Variants in IGF2BP2 observed in about 807,000 individuals in gnomAD.
IGF2BP2 encodes the protein insulin-like growth factor 2 mRNA-binding protein 2.
Under a neutral mutation model 75.8 loss-of-function variants are expected in IGF2BP2, and 17 were observed. That is an observed-to-expected ratio of 0.22 (90% CI 0.15 to 0.34). IGF2BP2 has a LOEUF of 0.34. Ranked by LOEUF, IGF2BP2 falls within the 10% of genes least tolerant of loss-of-function variation. The pLI, the probability that IGF2BP2 is intolerant of heterozygous loss-of-function variation, is 1.00. For missense variants in IGF2BP2, 516 were observed against 772.4 expected (o/e 0.67, Z 3.93); for synonymous variants, 288 against 295.6 (o/e 0.97, Z 0.26).
At chr3:185,765,708 C>T (rs1338885898) in intron 2 of IGF2BP2, among the ~76,000 whole-genome samples, 1 of 152,212 alleles carries the variant, frequency 6.6e-6, no homozygotes, top group Non-Finnish European at 1.5e-5. Flanking sequence ...CAGCTTCACC[C>T]CACATCTTCA....
intron 10 of IGF2BP2, among the ~76,000 whole-genome samples, chr3:185,668,494 G>T (rs972132234): frequency 5.4e-4 from 66 of 121,592 alleles, no homozygotes; most frequent in African/African-American, 2.2e-3. Flanking sequence ...GTTCGAGAGA[G>T]AGAGAGAGAG....
chr3:185,710,316 A>G (rs1003450337), intron 2 of IGF2BP2, among the ~76,000 whole-genome samples: 1 of 152,166 alleles, frequency 6.6e-6, no homozygotes, highest in Non-Finnish European at 1.5e-5. Context: ...TATTGTGTGC[A>G]TAACAGCATG....
chr3:185,817,599 AC>A (rs1450188814), intron 2 of IGF2BP2, among the ~76,000 whole-genome samples: 1 of 152,192 alleles, frequency 6.6e-6, no homozygotes, highest in East Asian at 1.9e-4. Flanking sequence ...CTAAAATAGA[AC>A]CCATAGAGTC....
chr3:185,643,489 C>T lies in IGF2BP2; in HGVS notation c.*2042G>A, dbSNP rs1296227059. 6.6e-6 allele frequency among the ~76,000 whole-genome samples: 1 copy of T among 152,152 alleles called. No individual in the cohort carries two copies. The highest frequency in any genetic ancestry group is 1.5e-5 in the Non-Finnish European group (1 of 68,034). ...CCAGGATTTCTGATTCAAGGTGGACCCCAAGAATCTACATTTCTAACAAGT... is the reference window on the plus strand; with the variant it reads ...CCAGGATTTCTGATTCAAGGTGGACTCCAAGAATCTACATTTCTAACAAGT... On this transcript the variant is annotated 3_prime_UTR_variant, in exon 16 of 16. Coordinates refer to ENST00000382199, the MANE Select transcript of IGF2BP2 (RefSeq NM_006548.6).
At chr3:185,821,229 G>T in intron 2 of IGF2BP2, 1 of 966,730 alleles carries the variant, frequency 1.0e-6, no homozygotes. Flanking sequence ...CTCTAGAGCA[G>T]CAGCTTATGC....
At chr3:185,651,946 C>T in intron 13 of IGF2BP2, 148 bp downstream of exon 13, 3 of 544,532 alleles carry the variant, frequency 5.5e-6, no homozygotes, top group Non-Finnish European at 9.6e-6. Context: ...GAAGAACAGC[C>T]AGGGATGACA....
chr3:185,690,459 C>T (rs1294609989), intron 5 of IGF2BP2, among the ~76,000 whole-genome samples: 1 of 152,006 alleles, frequency 6.6e-6, no homozygotes, highest in Non-Finnish European at 1.5e-5. Flanking sequence ...TCACTAAGTA[C>T]CTTTCAGTAT....
chr3:185,729,657 G>C (rs573208316), intron 2 of IGF2BP2: 1 of 152,094 alleles, frequency 6.6e-6, no homozygotes, highest in African/African-American at 2.4e-5. Context: ...GAATATTAAC[G>C]TTCATATGCT....
intron 7 of IGF2BP2, 140 bp from the exon 8 acceptor site, chr3:185,676,053 G>T: frequency 2.0e-6 from 2 of 1,018,074 alleles, no homozygotes; most frequent in South Asian, 3.4e-5. Context: ...GAGAGGTCAG[G>T]TCCCTCACCG....
intron 2 of IGF2BP2, chr3:185,712,562 T>C (rs930134042): frequency 6.6e-6 from 1 of 152,126 alleles, no homozygotes; most frequent in African/African-American, 2.4e-5. Context: ...GAGTCAGTCA[T>C]TCAACCTCTC....
chr3:185,700,861 T>C (rs144246925), intron 2 of IGF2BP2, among the ~76,000 whole-genome samples: 159 of 152,288 alleles, frequency 1.0e-3, no homozygotes, highest in African/African-American at 3.4e-3. Flanking sequence ...TAGAATATTA[T>C]ACAGCTCTTA....
At chr3:185,712,650 T>C (rs1407631917) in intron 2 of IGF2BP2, 2 of 152,074 alleles carry the variant, frequency 1.3e-5, no homozygotes, top group African/African-American at 4.8e-5. Flanking sequence ...AACAGAACTG[T>C]TGCAAGGAGA....
chr3:185,794,413 T>C (rs1737063008), intron 2 of IGF2BP2, among the ~76,000 whole-genome samples: 1 of 74,070 alleles, frequency 1.4e-5, no homozygotes, highest in African/African-American at 7.3e-5. Context: ...GAAGGTTGAG[T>C]ATCAACTAAC....
intron 2 of IGF2BP2, among the ~76,000 whole-genome samples, chr3:185,747,164 T>C (rs780078083): frequency 6.6e-6 from 1 of 152,222 alleles, no homozygotes; most frequent in Non-Finnish European, 1.5e-5. Context: ...TCCTAAATTA[T>C]CCACTTTCAG....
At chr3:185,815,763 T>C (rs1276637572) in intron 2 of IGF2BP2, among the ~76,000 whole-genome samples, 1 of 151,832 alleles carries the variant, frequency 6.6e-6, no homozygotes, top group Admixed American at 6.6e-5. Context: ...CCTCTCTCCC[T>C]CCCACCAGCA....
chr3:185,672,996 GC>G (rs1399890129), intron 9 of IGF2BP2, among the ~76,000 whole-genome samples: 1 of 152,058 alleles, frequency 6.6e-6, no homozygotes, highest in Non-Finnish European at 1.5e-5. Flanking sequence ...ATACCTCTGA[GC>G]CCCTTCACAT....
chr3:185,734,544 A>T (rs774247855), intron 2 of IGF2BP2, among the ~76,000 whole-genome samples: 1 of 152,260 alleles, frequency 6.6e-6, no homozygotes, highest in African/African-American at 2.4e-5. Context: ...TTGCATTGTT[A>T]AAAACGAGTG....
chr3:185,664,571 G>A (rs981033852), intron 10 of IGF2BP2, among the ~76,000 whole-genome samples: 1 of 152,176 alleles, frequency 6.6e-6, no homozygotes, highest in Admixed American at 6.5e-5. Context: ...CAGCAGGACA[G>A]TGCTTCAATA....
intron 2 of IGF2BP2, among the ~76,000 whole-genome samples, chr3:185,813,262 C>T (rs1162612799): frequency 6.6e-6 from 1 of 152,060 alleles, no homozygotes; most frequent in Non-Finnish European, 1.5e-5. Flanking sequence ...TAATAAACAG[C>T]CAAAAATTTT....
Sources: gnomAD v4.1 joint callset for allele counts (sites outside exome capture counted in the v4.1 genomes callset) on GRCh38, gnomAD v4.1.1 for gene constraint, MANE v1.5 for transcripts, NCBI Gene and HGNC (gene_info 2026-07-23, HGNC 2026-07-21) for gene names.